The following HS6ST3 variants were observed in gnomAD, a reference collection of about 807,000 sequenced individuals.
The protein encoded by HS6ST3 is heparan sulfate 6-O-sulfotransferase 3.
In HS6ST3, 12 loss-of-function variants were observed where a neutral mutation model predicts 36.7. That is an observed-to-expected ratio of 0.33 (90% confidence interval 0.21 to 0.53). HS6ST3 has a LOEUF of 0.53. HS6ST3 is among the 20% of genes least tolerant of loss of function. The pLI is 0.95. For synonymous variants in HS6ST3, 240 were observed against 257.5 expected (o/e 0.93, Z 0.65); for missense variants, 584 against 640.9 (o/e 0.91, Z 0.96).
Position 96,738,795 on chromosome 13 carries a change from A to G in HS6ST3, c.708-93695A>G, listed in dbSNP as rs760955878. ...CTATCAGCCTTCAAACTAGCTTTTTATTTCTCTCATGCAGAAAAATCTCTT... is the reference window on the plus strand; with the variant it reads ...CTATCAGCCTTCAAACTAGCTTTTTGTTTCTCTCATGCAGAAAAATCTCTT... On this transcript the variant is annotated intron_variant, in intron 1 of 1. Coordinates refer to ENST00000376705, the MANE Select transcript of HS6ST3 (RefSeq NM_153456.4). Among the ~76,000 whole-genome samples the G allele has an allele frequency of 6.0e-4, 92 of 152,202 alleles. 1 individual carries two copies. The highest frequency in any genetic ancestry group is 2.0e-3 in the African/African-American group (85 of 41,522).
chr13:96,304,339 A>C (rs964783825), intron 1 of HS6ST3, among the ~76,000 whole-genome samples: 7 of 152,168 alleles, frequency 4.6e-5, no homozygotes, highest in African/African-American at 1.7e-4. Context: ...CTGTGCTTCT[A>C]AATATTTTCT....
intron 1 of HS6ST3, chr13:96,573,904 T>C (rs1394348248): frequency 5.9e-6 from 3 of 507,302 alleles, no homozygotes; most frequent in African/African-American, 4.0e-5. Flanking sequence ...TCTAATGGAA[T>C]GGCAGCTCCA....
chr13:96,318,994 G>A (rs1261511071), intron 1 of HS6ST3, among the ~76,000 whole-genome samples: 2 of 152,112 alleles, frequency 1.3e-5, no homozygotes, highest in Non-Finnish European at 2.9e-5. Flanking sequence ...TCCATTTAAA[G>A]TGTACAACTC....
intron 1 of HS6ST3, among the ~76,000 whole-genome samples, chr13:96,128,902 T>G (rs114314704): frequency 1.3e-5 from 2 of 151,620 alleles, no homozygotes; most frequent in Admixed American, 6.6e-5. Flanking sequence ...CTGGAGTGCA[T>G]TGGGGCAATC....
chr13:96,612,991 T>C (rs2056461656), intron 1 of HS6ST3, among the ~76,000 whole-genome samples: 1 of 152,164 alleles, frequency 6.6e-6, no homozygotes, highest in Non-Finnish European at 1.5e-5. Flanking sequence ...TGTAATCTTC[T>C]TCCAAAAGAA....
intron 1 of HS6ST3, among the ~76,000 whole-genome samples, chr13:96,320,099 C>G (rs1432754164): frequency 2.6e-5 from 4 of 152,124 alleles, no homozygotes; most frequent in African/African-American, 9.7e-5. Flanking sequence ...AAGAATCTAT[C>G]AGAGACCTCC....
chr13:96,276,123 G>T (rs1164161730), intron 1 of HS6ST3, among the ~76,000 whole-genome samples: 1 of 152,058 alleles, frequency 6.6e-6, no homozygotes, highest in Non-Finnish European at 1.5e-5. Context: ...GCCTCTGACT[G>T]CCCTTTGTTG....
At chr13:96,787,724 C>T (rs544424962) in intron 1 of HS6ST3, among the ~76,000 whole-genome samples, 1 of 152,008 alleles carries the variant, frequency 6.6e-6, no homozygotes, top group South Asian at 2.1e-4. Context: ...TCAGTTCTTC[C>T]TCTTGATAGT....
chr13:96,468,073 G>A (rs1296982406), intron 1 of HS6ST3, among the ~76,000 whole-genome samples: 2 of 152,076 alleles, frequency 1.3e-5, no homozygotes, highest in Admixed American at 6.6e-5. Context: ...GACATCTAAG[G>A]GCTATGTTTT....
At chr13:96,616,158 A>G (rs2056473629) in intron 1 of HS6ST3, among the ~76,000 whole-genome samples, 1 of 152,162 alleles carries the variant, frequency 6.6e-6, no homozygotes, top group Non-Finnish European at 1.5e-5. Flanking sequence ...AATATTCCAG[A>G]TCATATATTT....
intron 1 of HS6ST3, among the ~76,000 whole-genome samples, chr13:96,671,499 CGA>C (rs1447849029): frequency 5.9e-5 from 9 of 152,072 alleles, no homozygotes; most frequent in African/African-American, 9.7e-5. Flanking sequence ...GCTACTGTAA[CGA>C]AGCACCACAG....
At chr13:96,206,010 G>C (rs1416982331) in intron 1 of HS6ST3, among the ~76,000 whole-genome samples, 1 of 152,194 alleles carries the variant, frequency 6.6e-6, no homozygotes, top group Non-Finnish European at 1.5e-5. Context: ...AATAGGAAGA[G>C]AGGAGTCAAA....
chr13:96,434,823 C>A (rs995624491), intron 1 of HS6ST3, among the ~76,000 whole-genome samples: 3 of 151,950 alleles, frequency 2.0e-5, no homozygotes, highest in African/African-American at 4.8e-5. Context: ...CATTTTTTAT[C>A]CTCCTGCAAG....
intron 1 of HS6ST3, among the ~76,000 whole-genome samples, chr13:96,184,541 G>T (rs908764019): frequency 6.6e-6 from 1 of 152,024 alleles, no homozygotes; most frequent in African/African-American, 2.4e-5. Flanking sequence ...TAGGCCATGC[G>T]CTTTCCCCTG....
intron 1 of HS6ST3, among the ~76,000 whole-genome samples, chr13:96,317,391 TATATCATGGA>T (rs1311036822): frequency 3.8e-5 from 5 of 130,532 alleles, no homozygotes; most frequent in African/African-American, 1.5e-4. Context: ...TATATATATA[TATATCATGGA>T]ATATATATAT....
At chr13:96,569,321 T>C (rs573161280) in intron 1 of HS6ST3, among the ~76,000 whole-genome samples, 7 of 152,282 alleles carry the variant, frequency 4.6e-5, no homozygotes, top group African/African-American at 1.7e-4. Flanking sequence ...GTCTTGATAT[T>C]CTCTGGTCTT....
rs182457706 is a variant in HS6ST3, at chr13:96,734,668, A to G, written c.708-97822A>G. Among the ~76,000 whole-genome samples, 16 of 152,332 alleles carry G rather than the reference A, an allele frequency of 1.1e-4. No homozygotes were observed. The East Asian group carries it at 3.1e-3, about 29-fold the overall frequency. ...ATAAATTGAGTCTTTTAAACCAGGC[A>G]TGCTTCCTCTCCATCAATCAGTGTT... is the stretch of plus-strand genomic sequence containing the variant. On this transcript the variant is annotated intron_variant, in intron 1 of 1. Transcript: ENST00000376705.
intron 1 of HS6ST3, among the ~76,000 whole-genome samples, chr13:96,528,505 T>C (rs2056123076): frequency 6.6e-6 from 1 of 152,192 alleles, no homozygotes; most frequent in African/African-American, 2.4e-5. Context: ...GTTTTTGATA[T>C]TATGTAATAA....
chr13:96,211,545 C>A (rs1210734030), intron 1 of HS6ST3, among the ~76,000 whole-genome samples: 1 of 152,204 alleles, frequency 6.6e-6, no homozygotes, highest in African/African-American at 2.4e-5. Context: ...GAGCACAGAG[C>A]TGTGTATTAT....
Sources: allele counts gnomAD v4.1 joint callset (sites outside exome capture counted in the v4.1 genomes callset), GRCh38; gene constraint gnomAD v4.1.1; transcripts MANE v1.5; gene names NCBI Gene and HGNC (gene_info 2026-07-23, HGNC 2026-07-21).